Variants in PRP4K observed in about 807,000 individuals in gnomAD.
PRP4K encodes pre-mRNA processing factor kinase PRP4K, also known as serine/threonine-protein kinase PRP4 homolog.
chr6:4,036,291 T>G, the PRP4K span, among the ~76,000 whole-genome samples: 1 of 152,152 alleles, frequency 6.6e-6, no homozygotes. Context: ...GCATGATCTC[T>G]GCTCACTGCA....
chr6:4,064,539 C>T, the PRP4K span: 1 of 152,274 alleles, frequency 6.6e-6, no homozygotes, highest in Admixed American at 6.6e-5. Flanking sequence ...ATGTAATTTT[C>T]CTCATTTAGT....
chr6:4,048,973 C>A, the PRP4K span: 1 of 1,442,592 alleles, frequency 6.9e-7, no homozygotes, highest in Non-Finnish European at 9.6e-7. Flanking sequence ...CGTTAAATGT[C>A]TGACAAGTGG....
chr6:4,060,866 A>G, the PRP4K span: 3 of 462,300 alleles, frequency 6.5e-6, no homozygotes, highest in Non-Finnish European at 1.2e-5. This position sits in a 1 kb window ranked among gnomAD's most constrained non-coding sequence, Gnocchi z 4.7. Flanking sequence ...GCTAATGTAT[A>G]TGGTTGCAGT....
the PRP4K span, among the ~76,000 whole-genome samples, chr6:4,035,127 G>C: frequency 6.8e-6 from 1 of 147,062 alleles, no homozygotes; most frequent in South Asian, 2.2e-4. Flanking sequence ...GTTTTGTTTT[G>C]TTTTTTTGAG....
the PRP4K span, among the ~76,000 whole-genome samples, chr6:4,021,863 G>T: frequency 6.6e-6 from 1 of 152,240 alleles, no homozygotes; most frequent in Admixed American, 6.5e-5. Context: ...AGTGGCAGCA[G>T]GCGGGCCAAG....
At chr6:4,058,819 G>A in the PRP4K span, 1 of 1,593,950 alleles carries the variant, frequency 6.3e-7, no homozygotes. Flanking sequence ...GAGAGGGTAA[G>A]TGTTTTAAAT....
the PRP4K span, chr6:4,032,464 G>A: frequency 3.1e-6 from 5 of 1,613,900 alleles, no homozygotes; most frequent in African/African-American, 2.7e-5. Context: ...AAATCAAAAC[G>A]GTCTGAAACT....
chr6:4,030,102 C>G, the PRP4K span, among the ~76,000 whole-genome samples: 6 of 152,144 alleles, frequency 3.9e-5, no homozygotes, highest in Non-Finnish European at 5.9e-5. Context: ...GCCGCTACAT[C>G]TGGCTAATTT....
the PRP4K span, chr6:4,056,678 G>A: frequency 1.9e-6 from 3 of 1,553,580 alleles, no homozygotes; most frequent in Non-Finnish European, 2.6e-6. Flanking sequence ...GACTGCTCTT[G>A]ATTATTCAAG....
At chr6:4,037,657 C>T in the PRP4K span, 1 of 1,290,270 alleles carries the variant, frequency 7.8e-7, no homozygotes, top group Non-Finnish European at 1.0e-6. Context: ...TCTTTTAGAC[C>T]AGTTTTCTCT....
At chr6:4,049,140 A>C in the PRP4K span, 2 of 1,528,676 alleles carry the variant, frequency 1.3e-6, no homozygotes, top group African/African-American at 1.4e-5. Flanking sequence ...TTTAGAGTTC[A>C]TTGTAACACC....
At chr6:4,034,673 G>A in the PRP4K span, among the ~76,000 whole-genome samples, 1 of 151,764 alleles carries the variant, frequency 6.6e-6, no homozygotes, top group Non-Finnish European at 1.5e-5. Context: ...TGACTAGTGA[G>A]GGTGAACATT....
the PRP4K span, among the ~76,000 whole-genome samples, chr6:4,022,356 T>TA: frequency 6.6e-6 from 1 of 151,412 alleles, no homozygotes; most frequent in Non-Finnish European, 1.5e-5. Flanking sequence ...TTGGTTAACT[T>TA]AAAGCAGTAT....
At chr6:4,042,987 G>A in the PRP4K span, among the ~76,000 whole-genome samples, 1 of 152,214 alleles carries the variant, frequency 6.6e-6, no homozygotes, top group African/African-American at 2.4e-5. Flanking sequence ...TGGTTTAAAT[G>A]AAACATTTGA....
chr6:4,033,039 C>T, the PRP4K span, among the ~76,000 whole-genome samples: 3 of 152,246 alleles, frequency 2.0e-5, no homozygotes, highest in South Asian at 6.2e-4. Flanking sequence ...TAAGGCACTC[C>T]TTTCAATCCA....
At chr6:4,032,753 A>T in the PRP4K span, 2 of 1,564,320 alleles carry the variant, frequency 1.3e-6, no homozygotes, top group Non-Finnish European at 1.7e-6. Context: ...TTTCTTCTCC[A>T]AGGTAACTTG....
the PRP4K span, among the ~76,000 whole-genome samples, chr6:4,021,844 A>G: frequency 6.6e-6 from 1 of 152,160 alleles, no homozygotes; most frequent in African/African-American, 2.4e-5. Flanking sequence ...TGTTGGGGAC[A>G]CGAGGGTCAG....
At chr6:4,061,804 T>C in the PRP4K span, 129 of 152,764 alleles carry the variant, frequency 8.4e-4, no homozygotes, top group African/African-American at 2.9e-3. Context: ...CACTCACTTA[T>C]TGTAAAGTGA....
the PRP4K span, among the ~76,000 whole-genome samples, chr6:4,033,020 C>G: frequency 6.6e-6 from 1 of 152,076 alleles, no homozygotes; most frequent in Non-Finnish European, 1.5e-5. Flanking sequence ...GATTTAATAC[C>G]TAGTTTGCTA....
Sources: allele counts gnomAD v4.1 joint callset (sites outside exome capture counted in the v4.1 genomes callset), GRCh38; gene constraint gnomAD v4.1.1; non-coding constraint Gnocchi (gnomAD v3.1); transcripts MANE v1.5; gene names NCBI Gene and HGNC (gene_info 2026-07-23, HGNC 2026-07-21).